The following TASP1 variants were observed in gnomAD, a reference collection of about 807,000 sequenced individuals.
TASP1 encodes the protein taspase 1, also known as threonine aspartase 1.
A neutral mutation model predicts 56.6 loss-of-function variants in TASP1; 16 were observed. The observed-to-expected ratio is 0.28, with a 90% CI of 0.19 to 0.43. The LOEUF (loss-of-function observed/expected upper bound fraction) is 0.43, where lower values mean the gene tolerates loss of function less well. TASP1 is among the 20% of genes least tolerant of loss of function. The pLI is 1.00. For missense variants in TASP1, 393 were observed against 511.6 expected, an observed-to-expected ratio of 0.77 and a Z score of 2.24; for synonymous variants, 179 against 184.2, an observed-to-expected ratio of 0.97 and a Z score of 0.23.
chr20:13,475,947 G>A (rs150563483), intron 11 of TASP1, among the ~76,000 whole-genome samples: 70 of 146,842 alleles, frequency 4.8e-4, no homozygotes, highest in Non-Finnish European at 8.9e-4. Context: ...GTGAAACCCC[G>A]TCTCTACTAA....
chr20:13,284,698 C>T, the TASP1 span, among the ~76,000 whole-genome samples: 4 of 152,188 alleles, frequency 2.6e-5, no homozygotes, highest in Non-Finnish European at 5.9e-5. Flanking sequence ...GTGAAAGCTT[C>T]AGGGGAGTGA....
the TASP1 span, chr20:13,292,430 G>A: frequency 3.7e-6 from 6 of 1,605,428 alleles, no homozygotes; most frequent in African/African-American, 2.7e-5. Flanking sequence ...TGCGGGAAGC[G>A]AGGAGTTTAA....
At chr20:13,422,798 T>G (rs532204598) in intron 12 of TASP1, among the ~76,000 whole-genome samples, 1 of 152,340 alleles carries the variant, frequency 6.6e-6, no homozygotes, top group South Asian at 2.1e-4. Context: ...GAACATCATC[T>G]TGTTTACCTC....
the TASP1 span, among the ~76,000 whole-genome samples, chr20:13,305,199 TAAAA>T: frequency 0.22 from 29,927 of 137,462 alleles, 3,119 homozygotes; most frequent in Admixed American, 0.28. Flanking sequence ...GTTGAGTTGT[TAAAA>T]AAAAAAAAAA....
At chr20:13,401,989 T>C (rs192555085) in intron 13 of TASP1, among the ~76,000 whole-genome samples, 1 of 152,342 alleles carries the variant, frequency 6.6e-6, no homozygotes, top group Admixed American at 6.5e-5. Context: ...TTACTTTTCA[T>C]GTTGCTAAAA....
intron 8 of TASP1, among the ~76,000 whole-genome samples, chr20:13,550,141 T>TACAC (rs773629764): frequency 5.8e-4 from 52 of 89,304 alleles, no homozygotes; most frequent in African/African-American, 1.3e-3. Context: ...ATGGAATATA[T>TACAC]ACACATACAC....
chr20:13,144,022 A>G, the TASP1 span, among the ~76,000 whole-genome samples: 2 of 152,098 alleles, frequency 1.3e-5, no homozygotes, highest in Non-Finnish European at 2.9e-5. Flanking sequence ...TTTACTTACA[A>G]TGCTTCCAGG....
chr20:13,459,938 T>C lies in TASP1; in HGVS notation c.985+23289A>G, dbSNP rs117570057. Among the ~76,000 whole-genome samples the C allele has an allele frequency of 4.5e-3, 692 of 152,254 alleles. 4 individuals are homozygous for C. Among genetic ancestry groups the C allele is most frequent in the East Asian group, 0.012 (61 of 5,166 alleles). On this transcript the variant is annotated intron_variant, in intron 11 of 13. Transcript: ENST00000337743. ...CTGTATTATTTGCTCTAACTTCTCA[T>C]CTATAGAAAAACATACACATTTGTC... is the stretch of plus-strand genomic sequence containing the variant.
In TASP1 at chr20:13,527,837, G is replaced by C. The variant is rs570148264; in HGVS notation, c.874+596C>G. On this transcript the variant is annotated intron_variant, in intron 10 of 13. Transcript: ENST00000337743. ...ATTAACTGCTACTTTTATGTCTTTT[G>C]TTATCTAAACTTGGCAGCATCATGG... Among the ~76,000 whole-genome samples the C allele has an allele frequency of 5.3e-5, 8 of 152,088 alleles. No individual in the cohort carries two copies. The East Asian group carries it at 1.5e-3, about 29-fold the overall frequency.
the TASP1 span, among the ~76,000 whole-genome samples, chr20:13,316,197 A>C: frequency 6.6e-6 from 1 of 151,976 alleles, no homozygotes; most frequent in Non-Finnish European, 1.5e-5. Flanking sequence ...ACCTAAATGA[A>C]ATGGATCAAT....
intron 4 of TASP1, among the ~76,000 whole-genome samples, chr20:13,598,620 G>T (rs1441889935): frequency 7.2e-5 from 11 of 152,168 alleles, no homozygotes; most frequent in South Asian, 2.1e-4. Context: ...GACACAGGCA[G>T]GGGCAAAGAC....
the TASP1 span, among the ~76,000 whole-genome samples, chr20:13,347,889 C>T: frequency 6.6e-6 from 1 of 151,810 alleles, no homozygotes; most frequent in African/African-American, 2.4e-5. Flanking sequence ...GCCTCAATTC[C>T]TCATAAGTGC....
At chr20:13,465,955 T>C (rs2044241115) in intron 11 of TASP1, among the ~76,000 whole-genome samples, 1 of 152,096 alleles carries the variant, frequency 6.6e-6, no homozygotes, top group Non-Finnish European at 1.5e-5. Flanking sequence ...TCACACATGA[T>C]AAAACTGCAT....
chr20:13,221,884 C>G, the TASP1 span: 1 of 1,403,262 alleles, frequency 7.1e-7, no homozygotes, highest in Non-Finnish European at 9.2e-7. Context: ...CCGACGCGGC[C>G]GCGGGCAACG....
chr20:13,411,457 T>C (rs2042091284), intron 13 of TASP1, among the ~76,000 whole-genome samples: 1 of 152,226 alleles, frequency 6.6e-6, no homozygotes, highest in Non-Finnish European at 1.5e-5. Flanking sequence ...CTTCAATTAC[T>C]TTTATCAGTG....
At chr20:13,150,501 C>A in the TASP1 span, among the ~76,000 whole-genome samples, 1 of 152,180 alleles carries the variant, frequency 6.6e-6, no homozygotes, top group East Asian at 1.9e-4. Context: ...TTCTTTAAAA[C>A]CAGAGTTCCA....
intron 3 of TASP1, among the ~76,000 whole-genome samples, chr20:13,624,742 C>A (rs1168736675): frequency 1.3e-5 from 2 of 152,138 alleles, no homozygotes; most frequent in Non-Finnish European, 2.9e-5. Flanking sequence ...CAAAACTGAA[C>A]TCTGGAATGA....
chr20:13,153,509 C>G, the TASP1 span, among the ~76,000 whole-genome samples: 118 of 152,182 alleles, frequency 7.8e-4, no homozygotes, highest in African/African-American at 2.8e-3. Context: ...TATGCTATCC[C>G]TACAAATTCA....
intron 10 of TASP1, among the ~76,000 whole-genome samples, chr20:13,486,399 A>G (rs1717737376): frequency 6.6e-6 from 1 of 152,232 alleles, no homozygotes; most frequent in African/African-American, 2.4e-5. Context: ...TTTAGCATCA[A>G]TAAGTATGAC....
Sources: gnomAD v4.1 joint callset for allele counts (sites outside exome capture counted in the v4.1 genomes callset) on GRCh38, gnomAD v4.1.1 for gene constraint, MANE v1.5 for transcripts, NCBI Gene and HGNC (gene_info 2026-07-23, HGNC 2026-07-21) for gene names.